PHKA1: variants seen among roughly 807,000 people sequenced by gnomAD.
PHKA1 encodes phosphorylase kinase regulatory subunit alpha 1, also known as phosphorylase b kinase regulatory subunit alpha, skeletal muscle isoform.
Under a neutral mutation model 110.2 loss-of-function variants are expected in PHKA1, and 60 were observed. The ratio of observed to expected loss-of-function variants is 0.54; its 90% CI spans 0.44 to 0.68. PHKA1 has a LOEUF of 0.68. Among genes scored for constraint, PHKA1 ranks in the 30% least tolerant of loss-of-function variants. PHKA1 has a pLI of 0.00. For missense variants in PHKA1, 801 were observed against 942.5 expected (o/e 0.85, Z 1.97); for synonymous variants, 316 against 333.6 (o/e 0.95, Z 0.58).
intron 31 of PHKA1, among the ~76,000 whole-genome samples, chrX:72,581,512 TA>T (rs1196902714): frequency 1.8e-5 from 2 of 112,015 alleles, no homozygotes; most frequent in South Asian, 3.7e-4. Context: ...CAAATCACCG[TA>T]GTAGAGCTTT....
intron 28 of PHKA1, among the ~76,000 whole-genome samples, chrX:72,595,996 A>G (rs2052584812): frequency 8.9e-6 from 1 of 112,311 alleles, no homozygotes; most frequent in Admixed American, 9.5e-5. Flanking sequence ...TTGCATGCCC[A>G]TGTTCAAATG....
intron 13 of PHKA1, among the ~76,000 whole-genome samples, chrX:72,645,481 G>A (rs1156565901): frequency 8.9e-6 from 1 of 112,070 alleles, no homozygotes; most frequent in Non-Finnish European, 1.9e-5. Flanking sequence ...GGCTGCTGTT[G>A]TCTGGGCCAG....
chrX:72,636,291 T>C lies in PHKA1; in HGVS notation c.1555A>G (p.Thr519Ala). 3.4e-6 allele frequency: 4 copies of C among 1,177,206 alleles called. No homozygotes were observed. Among genetic ancestry groups the C allele is most frequent in the Non-Finnish European group, 4.6e-6 (4 of 863,893 alleles). ...ATTTCACCCACCTGTGGAGTGAAAG[T>C]AAAGATAGTTTTCCGAATGTCATAG... ...KLYDIRKTIFTFTPQFIDQQQ... is the reference protein window; with the variant it reads ...KLYDIRKTIFAFTPQFIDQQQ... Residue 519 changes from threonine (T) to alanine (A), a missense_variant, in exon 15 of 32, where the codon ACT becomes GCT. Coordinates refer to ENST00000373542, the MANE Select transcript of PHKA1 (RefSeq NM_002637.4).
intron 29 of PHKA1, among the ~76,000 whole-genome samples, chrX:72,592,293 C>A (rs1298302998): frequency 8.9e-6 from 1 of 112,575 alleles, no homozygotes; most frequent in Non-Finnish European, 1.9e-5. Context: ...CAAAAGATCA[C>A]CTGATTCTGT....
chrX:72,591,911 G>T (rs1445865094), intron 29 of PHKA1, among the ~76,000 whole-genome samples: 2 of 111,888 alleles, frequency 1.8e-5, no homozygotes, highest in Non-Finnish European at 3.8e-5. Flanking sequence ...GCATTTATCG[G>T]ACATGTACTG....
intron 16 of PHKA1, among the ~76,000 whole-genome samples, chrX:72,630,553 T>C (rs1556286662): frequency 9.0e-6 from 1 of 110,769 alleles, no homozygotes; most frequent in Non-Finnish European, 1.9e-5. Context: ...GTACACTGGA[T>C]AGGGCAAAAT....
chrX:72,619,566 T>C, intron 19 of PHKA1, among the ~76,000 whole-genome samples: 1 of 112,478 alleles, frequency 8.9e-6, no homozygotes, highest in Non-Finnish European at 1.9e-5. Flanking sequence ...AATTTACTAA[T>C]GTGATTAATC....
At chrX:72,677,597 T>TATTC (rs1204272489) in intron 5 of PHKA1, among the ~76,000 whole-genome samples, 1 of 111,905 alleles carries the variant, frequency 8.9e-6, no homozygotes, top group East Asian at 2.8e-4. Flanking sequence ...TTTATTTATT[T>TATTC]ATTCAGTTAT....
intron 8 of PHKA1, among the ~76,000 whole-genome samples, chrX:72,663,973 T>A (rs782399893): frequency 9.1e-6 from 1 of 110,273 alleles, no homozygotes; most frequent in East Asian, 2.8e-4. Context: ...TCAAGCCTTA[T>A]CACTACAGAA....
At chrX:72,617,514 C>T (rs1264775609) in intron 21 of PHKA1, among the ~76,000 whole-genome samples, 1 of 110,904 alleles carries the variant, frequency 9.0e-6, no homozygotes, top group Non-Finnish European at 1.9e-5. Context: ...AGCGAGACCT[C>T]ACTTCAAAAT....
intron 23 of PHKA1, 110 bp downstream of exon 23, chrX:72,609,514 G>T: frequency 1.7e-6 from 1 of 580,866 alleles, no homozygotes; most frequent in Non-Finnish European, 3.1e-6. Flanking sequence ...GTCTCTGATA[G>T]AGGTGAACAT....
chrX:72,695,934 C>T (rs1159332766), intron 3 of PHKA1, 58 bp from the exon 4 acceptor site: 8 of 932,178 alleles, frequency 8.6e-6, no homozygotes, highest in Non-Finnish European at 9.3e-6. Context: ...CCATATGCCA[C>T]ACTTCTGTAA....
intron 10 of PHKA1, among the ~76,000 whole-genome samples, chrX:72,654,719 A>C (rs2053469143): frequency 9.0e-6 from 1 of 110,880 alleles, no homozygotes; most frequent in East Asian, 2.8e-4. Context: ...TATGTGTTAC[A>C]TTTTATGTGC....
chrX:72,672,186 C>T (rs941491100), intron 6 of PHKA1, among the ~76,000 whole-genome samples: 11 of 111,594 alleles, frequency 9.9e-5, no homozygotes, highest in African/African-American at 3.3e-4. Context: ...GCAGGGGTGC[C>T]GGGAGTACAG....
intron 14 of PHKA1, among the ~76,000 whole-genome samples, chrX:72,640,623 CTGAG>C (rs2053285107): frequency 8.9e-6 from 1 of 111,783 alleles, no homozygotes; most frequent in Non-Finnish European, 1.9e-5. Flanking sequence ...GTGGCTTCCT[CTGAG>C]TGGTGGAATT....
intron 6 of PHKA1, among the ~76,000 whole-genome samples, chrX:72,675,359 T>C (rs1022762193): frequency 9.0e-6 from 1 of 111,505 alleles, no homozygotes; most frequent in Non-Finnish European, 1.9e-5. Context: ...CCCTAGCTCA[T>C]TTTATGCTTG....
At position 72,714,084 on chromosome X, in the gene PHKA1, A is replaced by T. The variant is rs2054427398; in HGVS notation, c.-204T>A. 4 of 447,780 alleles carry T rather than the reference A, an allele frequency of 8.9e-6. No homozygotes were observed. Among genetic ancestry groups the T allele is most frequent in the South Asian group, 3.2e-5 (1 of 31,472 alleles). The allele number at this position is 447,780 out of a possible 1,213,427, so 36.9% of individuals were successfully genotyped here. ...ACTCCGGCGGCCTCAGGGGCCCACCACGCGCCAGCGCTAGCACTGGCTTCC... is the reference window on the plus strand; with the variant it reads ...ACTCCGGCGGCCTCAGGGGCCCACCTCGCGCCAGCGCTAGCACTGGCTTCC... On this transcript the variant is annotated 5_prime_UTR_variant, in exon 1 of 32. Coordinates refer to ENST00000373542, the MANE Select transcript of PHKA1 (RefSeq NM_002637.4).
intron 8 of PHKA1, among the ~76,000 whole-genome samples, chrX:72,662,777 C>T (rs1414854602): frequency 1.8e-5 from 2 of 111,610 alleles, no homozygotes; most frequent in Admixed American, 1.9e-4. Context: ...GAGGTACTCA[C>T]AAACATCTAT....
rs1191026735 is a variant in PHKA1 at position 72,713,859 on chromosome X, C to T, written c.22G>A (p.Gly8Arg). Residue 8 changes from glycine to arginine, a missense_variant, in exon 1 of 32, where the codon GGG (glycine) becomes AGG (arginine). Gly to Arg is a moderately radical substitution (Grantham distance 125, BLOSUM62 -2). Around this residue, in one of 2 missense-constraint regions of PHKA1, gnomAD observed 299 missense variants for 423.3 expected, o/e 0.71. Coordinates refer to ENST00000373542, the MANE Select transcript of PHKA1 (RefSeq NM_002637.4). ...CGAGCGTAGCCGTCCAGCCGGACCC[C>T]GGAGTTACTCCGGCTCCTCATGGCG... is the stretch of plus-strand genomic sequence containing the variant. MRSRSNS[G>R]VRLDGYARLV... The T allele has an allele frequency of 8.3e-7, 1 of 1,205,227 alleles. No individual in the cohort carries two copies. Among genetic ancestry groups the T allele is most frequent in the African/African-American group, 1.7e-5 (1 of 57,233 alleles).
Sources: gnomAD v4.1 joint callset for allele counts (sites outside exome capture counted in the v4.1 genomes callset) on GRCh38, gnomAD v4.1.1 for gene constraint, gnomAD v4.1.1 regional missense constraint, MANE v1.5 for transcripts, NCBI Gene and HGNC (gene_info 2026-07-23, HGNC 2026-07-21) for gene names.